The following SLC44A1 variants were observed in gnomAD, a reference collection of about 807,000 sequenced individuals.
The protein encoded by SLC44A1 is solute carrier family 44 member 1, also known as choline transporter-like protein 1.
In SLC44A1, 26 loss-of-function variants were observed where a neutral mutation model predicts 79.3. The ratio of observed to expected loss-of-function variants is 0.33; its 90% CI spans 0.24 to 0.46. SLC44A1 has a LOEUF of 0.46. Among genes scored for constraint, SLC44A1 ranks in the 20% least tolerant of loss-of-function variants. SLC44A1 has a pLI of 1.00. For missense variants in SLC44A1, 688 were observed against 798.1 expected, an observed-to-expected ratio of 0.86 and a Z score of 1.66; for synonymous variants, 263 against 286.2, an observed-to-expected ratio of 0.92 and a Z score of 0.82.
chr9:105,375,220 AG>A (rs1828241158), intron 13 of SLC44A1, among the ~76,000 whole-genome samples: 1 of 152,150 alleles, frequency 6.6e-6, no homozygotes, highest in African/African-American at 2.4e-5. Context: ...TTGTATTATT[AG>A]TAGAGACAGG....
At chr9:105,363,126 A>G in intron 9 of SLC44A1, 119 bp downstream of exon 9, 1 of 771,696 alleles carries the variant, frequency 1.3e-6, no homozygotes, top group Non-Finnish European at 2.1e-6. Context: ...AGCCATCAGA[A>G]CTTGTAGTGG....
rs1252875760 is a variant in SLC44A1, at chr9:105,394,720, A to G, written c.*5664A>G. ...AGATGATGATAAATTAGCAAACTCA[A>G]GGGTAGTCCATAGTTGGCAAAAAAT... On this transcript the variant is annotated 3_prime_UTR_variant, in exon 16 of 16. Transcript: ENST00000374720. The G allele has an allele frequency of 2.0e-6, 2 of 985,304 alleles. No individual in the cohort carries two copies. Among genetic ancestry groups the G allele is most frequent in the Admixed American group, 1.2e-4 (2 of 16,266 alleles). 61.0% of individuals were successfully genotyped at this position (985,304 alleles called of 1,614,324 possible). A position where few individuals can be genotyped will look rare whatever the true frequency, so the allele number is the denominator to read the frequency against.
intron 1 of SLC44A1, among the ~76,000 whole-genome samples, chr9:105,249,751 T>G (rs1216237435): frequency 6.6e-6 from 1 of 151,322 alleles, no homozygotes; most frequent in African/African-American, 2.4e-5. Flanking sequence ...GCCAGGGTGG[T>G]CTCGAACTCC....
At position 105,389,853 on chromosome 9, in the gene SLC44A1, C is replaced by G; in HGVS notation, c.*797C>G. On this transcript the variant is annotated 3_prime_UTR_variant, in exon 16 of 16. Transcript: ENST00000374720. ...TTTGTGTGCCTGATTTGAAAGGAAGCTGGGGCACCCAGCGAGTTTAGCCTT... is the reference window on the plus strand; with the variant it reads ...TTTGTGTGCCTGATTTGAAAGGAAGGTGGGGCACCCAGCGAGTTTAGCCTT... 6.8e-7 allele frequency: 1 copy of G among 1,460,148 alleles called. No individual in the cohort carries two copies. 90.4% of individuals were successfully genotyped at this position (1,460,148 alleles called of 1,614,324 possible).
intron 3 of SLC44A1, 29 bp from the exon 4 acceptor site, chr9:105,335,534 A>G (rs1299421556): frequency 1.3e-6 from 2 of 1,592,560 alleles, no homozygotes; most frequent in East Asian, 2.2e-5. Flanking sequence ...TTGTGAAGTA[A>G]TATCTCAGTT....
rs747178113 is a variant in SLC44A1 at position 105,365,646 on chromosome 9, G to C, written c.1410+7G>C. ...CAGTCAGCTCAAAGGAAAGGTAAGG[G>C]GAAAATGCATTTCTGTACTTTCTGT... On this transcript the variant is annotated splice_region_variant and intron_variant, in intron 11 of 15. Coordinates refer to ENST00000374720, the MANE Select transcript of SLC44A1 (RefSeq NM_080546.5). 3.1e-6 allele frequency: 5 copies of C among 1,612,126 alleles called. No homozygotes were observed. In the South Asian group the frequency reaches 5.5e-5, roughly 18 times the overall value.
intron 15 of SLC44A1, among the ~76,000 whole-genome samples, chr9:105,437,979 C>A (rs1829485604): frequency 1.3e-5 from 2 of 152,184 alleles, no homozygotes; most frequent in Admixed American, 1.3e-4. Flanking sequence ...TTTGTATTTA[C>A]CAATGCATTT....
At chr9:105,304,445 T>C (rs1830963562) in intron 2 of SLC44A1, among the ~76,000 whole-genome samples, 1 of 152,218 alleles carries the variant, frequency 6.6e-6, no homozygotes, top group Non-Finnish European at 1.5e-5. Context: ...GTACCTAACA[T>C]AGTATTTACC....
chr9:105,401,435 G>GA (rs1352381853), downstream of SLC44A1, among the ~76,000 whole-genome samples: 1 of 152,144 alleles, frequency 6.6e-6, no homozygotes. Context: ...TACCTAAAAT[G>GA]AATAAGGAAG....
At chr9:105,271,176 T>C (rs939446301) in intron 1 of SLC44A1, among the ~76,000 whole-genome samples, 2 of 152,240 alleles carry the variant, frequency 1.3e-5, no homozygotes, top group Non-Finnish European at 2.9e-5. Context: ...GGTTTTCTTG[T>C]TATCCCATAA....
chr9:105,287,434 A>T (rs1350445820), intron 1 of SLC44A1, among the ~76,000 whole-genome samples: 1 of 152,118 alleles, frequency 6.6e-6, no homozygotes, highest in South Asian at 2.1e-4. Flanking sequence ...TTCCCTTACA[A>T]CTAGTTTTTC....
chr9:105,315,548 AG>A (rs1372458756), intron 3 of SLC44A1, among the ~76,000 whole-genome samples: 1 of 152,146 alleles, frequency 6.6e-6, no homozygotes, highest in African/African-American at 2.4e-5. Flanking sequence ...AGGATTATTT[AG>A]GGGATTGTAC....
chr9:105,410,804 A>T (rs954109231), intron 15 of SLC44A1, among the ~76,000 whole-genome samples: 2 of 152,218 alleles, frequency 1.3e-5, no homozygotes, highest in African/African-American at 4.8e-5. Context: ...CAGCTGATGA[A>T]TGATAAGCAA....
intron 15 of SLC44A1, among the ~76,000 whole-genome samples, chr9:105,420,429 T>G (rs1829230764): frequency 6.6e-6 from 1 of 152,194 alleles, no homozygotes. Context: ...CATGGTGAGG[T>G]AAAAGGGAGA....
At chr9:105,339,892 T>G (rs1354596498) in intron 4 of SLC44A1, among the ~76,000 whole-genome samples, 1 of 152,106 alleles carries the variant, frequency 6.6e-6, no homozygotes, top group Non-Finnish European at 1.5e-5. Context: ...TATTTTAGCC[T>G]TAAAAAAGGA....
At chr9:105,315,627 A>G (rs1435983087) in intron 3 of SLC44A1, among the ~76,000 whole-genome samples, 5 of 152,150 alleles carry the variant, frequency 3.3e-5, no homozygotes, top group African/African-American at 9.7e-5. Flanking sequence ...ATACCACATA[A>G]CCATCTATTT....
intron 15 of SLC44A1, among the ~76,000 whole-genome samples, chr9:105,415,009 A>G (rs879777139): frequency 5.3e-5 from 8 of 152,162 alleles, no homozygotes; most frequent in Non-Finnish European, 8.8e-5. Flanking sequence ...CCCATCAAAC[A>G]TAAGAAAGGA....
chr9:105,256,394 A>C (rs1383619221), intron 1 of SLC44A1, among the ~76,000 whole-genome samples: 1 of 152,184 alleles, frequency 6.6e-6, no homozygotes, highest in Non-Finnish European at 1.5e-5. Context: ...CAGAAAACTG[A>C]AAGAAACTAG....
intron 1 of SLC44A1, among the ~76,000 whole-genome samples, chr9:105,280,050 A>G (rs1054775263): frequency 1.3e-5 from 2 of 152,232 alleles, no homozygotes; most frequent in African/African-American, 4.8e-5. Context: ...AAATAAATGA[A>G]CTAGAGGGAC....
Sources: gnomAD v4.1 joint callset for allele counts (sites outside exome capture counted in the v4.1 genomes callset) on GRCh38, gnomAD v4.1.1 for gene constraint, MANE v1.5 for transcripts, NCBI Gene and HGNC (gene_info 2026-07-23, HGNC 2026-07-21) for gene names.